Variants in TRIO observed in about 807,000 individuals in gnomAD.
TRIO encodes triple functional domain protein.
A neutral mutation model predicts 351.9 loss-of-function variants in TRIO; 58 were observed. The ratio of observed to expected loss-of-function variants is 0.16; its 90% CI spans 0.13 to 0.21. The LOEUF (loss-of-function observed/expected upper bound fraction) is 0.21, where lower values mean the gene tolerates loss of function less well. TRIO is among the 10% of genes least tolerant of loss of function. TRIO has a pLI of 1.00. For missense variants in TRIO, 3,201 were observed against 4,027.8 expected, an observed-to-expected ratio of 0.79 and a Z score of 5.56; for synonymous variants, 1,758 against 1,595.7, an observed-to-expected ratio of 1.10 and a Z score of -2.42.
At chr5:14,349,138 C>T in intron 11 of TRIO, among the ~76,000 whole-genome samples, 1 of 133,264 alleles carries the variant, frequency 7.5e-6, no homozygotes, top group African/African-American at 2.9e-5. Context: ...GCATGTTTTT[C>T]CTGCGTGTTT....
At chr5:14,490,908 C>T in intron 48 of TRIO, 1 of 454,248 alleles carries the variant, frequency 2.2e-6, no homozygotes, top group Non-Finnish European at 4.4e-6. Context: ...ATACTAAAGT[C>T]CATGCTAAAA....
intron 34 of TRIO, among the ~76,000 whole-genome samples, chr5:14,435,380 G>A (rs944134033): frequency 1.3e-5 from 2 of 152,162 alleles, no homozygotes; most frequent in African/African-American, 4.8e-5. Flanking sequence ...TGGTTGGAGT[G>A]TTTCCAGGGA....
chr5:14,486,402 C>T (rs1000438627), intron 47 of TRIO, among the ~76,000 whole-genome samples: 1 of 152,188 alleles, frequency 6.6e-6, no homozygotes, highest in African/African-American at 2.4e-5. Flanking sequence ...GTGTTATGTG[C>T]TGCCTGGGTG....
intron 29 of TRIO, among the ~76,000 whole-genome samples, chr5:14,397,928 G>C (rs746712656): frequency 4.6e-5 from 7 of 152,132 alleles, no homozygotes; most frequent in Non-Finnish European, 1.0e-4. Flanking sequence ...CATTCTAGTT[G>C]TTTTTCTGGC....
intron 1 of TRIO, among the ~76,000 whole-genome samples, chr5:14,255,743 G>A (rs962397234): frequency 5.3e-5 from 8 of 152,096 alleles, no homozygotes; most frequent in Admixed American, 1.3e-4. Context: ...AAATAATTTT[G>A]TACATAAAGT....
chr5:14,389,173 C>A (rs2152363028), intron 24 of TRIO, 116 bp from the exon 25 acceptor site: 2 of 750,384 alleles, frequency 2.7e-6, no homozygotes, highest in South Asian at 4.5e-5. Flanking sequence ...AGGGTCCAGT[C>A]CTTAGTTATA....
In TRIO at chr5:14,434,070, A is replaced by G. The variant is rs1477966522; in HGVS notation, c.5203+14049A>G. On this transcript the variant is annotated intron_variant, in intron 34 of 56. Transcript: ENST00000344204. ...TGTCTCATTTTTTATGGGCAGATTA[A>G]TAACAGACACTTGAAATTGAAGTCC... is the stretch of plus-strand genomic sequence containing the variant. 2.0e-5 allele frequency among the ~76,000 whole-genome samples: 3 copies of G among 152,200 alleles called. No homozygotes were observed. The East Asian group carries it at 5.8e-4, about 29-fold the overall frequency.
intron 40 of TRIO, among the ~76,000 whole-genome samples, chr5:14,475,393 T>A (rs1754994998): frequency 6.6e-6 from 1 of 152,156 alleles, no homozygotes; most frequent in Non-Finnish European, 1.5e-5. Flanking sequence ...GTGTTCCCCA[T>A]CAGACTCCTT....
intron 8 of TRIO, among the ~76,000 whole-genome samples, chr5:14,310,144 G>A (rs1275604685): frequency 1.3e-5 from 2 of 152,248 alleles, no homozygotes; most frequent in East Asian, 1.9e-4. Context: ...GTGAAGCAGT[G>A]TAAACGTCGG....
intron 21 of TRIO, among the ~76,000 whole-genome samples, chr5:14,381,526 T>C (rs905519722): frequency 1.3e-5 from 2 of 152,172 alleles, no homozygotes; most frequent in African/African-American, 4.8e-5. Flanking sequence ...TTCTACACTT[T>C]CCCCTTCCTG....
At chr5:14,201,960 G>A (rs1581339152) in intron 1 of TRIO, among the ~76,000 whole-genome samples, 1 of 119,312 alleles carries the variant, frequency 8.4e-6, no homozygotes. Context: ...ACACACCGGG[G>A]CCTGTTGTGG....
intron 1 of TRIO, among the ~76,000 whole-genome samples, chr5:14,185,541 C>T (rs916371488): frequency 2.0e-5 from 3 of 152,220 alleles, no homozygotes; most frequent in African/African-American, 7.2e-5. Context: ...CCCCTGCCTG[C>T]ACTTAGGCAG....
Position 14,488,104 on chromosome 5 carries a change from C to T in TRIO, c.7476C>T (p.Ser2492=), listed in dbSNP as rs538337359. ...GGSFWSSIPA[S]PASRPGSFTF... ...CCTTCTGGAGCTCCATCCCCGCCTCCCCCGCCAGCCGACCCGGCTCCTTCA... is the reference window on the plus strand; with the variant it reads ...CCTTCTGGAGCTCCATCCCCGCCTCTCCCGCCAGCCGACCCGGCTCCTTCA... Residue 2492 remains serine, a synonymous_variant, in exon 48 of 57, where the codon TCC becomes TCT. Transcript: ENST00000344204. The T allele has an allele frequency of 6.8e-6, 11 of 1,609,864 alleles. No individual in the cohort carries two copies. In the South Asian group the frequency reaches 9.9e-5, roughly 14 times the overall value.
At chr5:14,197,469 T>C (rs1581328740) in intron 1 of TRIO, among the ~76,000 whole-genome samples, 1 of 152,244 alleles carries the variant, frequency 6.6e-6, no homozygotes, top group South Asian at 2.1e-4. Context: ...CTTCTTCTTA[T>C]TTTTAAATAC....
At chr5:14,147,049 A>G (rs1198913167) in intron 1 of TRIO, among the ~76,000 whole-genome samples, 1 of 152,160 alleles carries the variant, frequency 6.6e-6, no homozygotes, top group Non-Finnish European at 1.5e-5. Flanking sequence ...CTTGTGTGTT[A>G]AAGAGCAGTA....
intron 18 of TRIO, among the ~76,000 whole-genome samples, chr5:14,371,455 C>A (rs1390234613): frequency 6.6e-6 from 1 of 152,170 alleles, no homozygotes; most frequent in Non-Finnish European, 1.5e-5. Flanking sequence ...AATGTATGGG[C>A]ATATATCTAC....
intron 11 of TRIO, among the ~76,000 whole-genome samples, chr5:14,353,325 A>G (rs1743308793): frequency 1.4e-5 from 2 of 138,424 alleles, no homozygotes; most frequent in Non-Finnish European, 3.0e-5. Context: ...GTGCAGTGGC[A>G]TGATCTCAGT....
chr5:14,211,962 A>C (rs113965908), intron 1 of TRIO, among the ~76,000 whole-genome samples: 51 of 47,876 alleles, frequency 1.1e-3, no homozygotes, highest in South Asian at 1.5e-3. Context: ...AAAAAAAAAA[A>C]CCAAAAAAAC....
intron 21 of TRIO, 124 bp from the exon 22 acceptor site, chr5:14,387,314 A>G: frequency 1.1e-6 from 1 of 947,830 alleles, no homozygotes; most frequent in East Asian, 2.6e-5. Flanking sequence ...CTTTGGTCTC[A>G]GTTTCTACCA....
Sources: gnomAD v4.1 joint callset for allele counts (sites outside exome capture counted in the v4.1 genomes callset) on GRCh38, gnomAD v4.1.1 for gene constraint, MANE v1.5 for transcripts, NCBI Gene and HGNC (gene_info 2026-07-23, HGNC 2026-07-21) for gene names.